The following ASXL2 variants were observed in gnomAD, a reference collection of about 807,000 sequenced individuals.
ASXL2 encodes ASXL transcriptional regulator 2.
ASXL2 carries 23 observed loss-of-function variants against 122.0 expected under a neutral mutation model. The observed-to-expected ratio is 0.19, with a 90% CI of 0.14 to 0.27. ASXL2 has a LOEUF of 0.27. Among genes scored for constraint, ASXL2 ranks in the 10% least tolerant of loss-of-function variants. ASXL2 has a pLI of 1.00. For synonymous variants in ASXL2, 650 were observed against 637.0 expected (o/e 1.02, Z -0.31); for missense variants, 1,518 against 1,713.8 (o/e 0.89, Z 2.02).
chr2:25,851,835 G>T (rs1406704594), intron 1 of ASXL2, among the ~76,000 whole-genome samples: 1 of 152,112 alleles, frequency 6.6e-6, no homozygotes, highest in Non-Finnish European at 1.5e-5. Context: ...GGGTTGCCAT[G>T]AGCCGAGATC....
chr2:25,858,662 G>A (rs1359351726), intron 1 of ASXL2, among the ~76,000 whole-genome samples: 1 of 150,518 alleles, frequency 6.6e-6, no homozygotes, highest in Non-Finnish European at 1.5e-5. Flanking sequence ...GGCGGAGGCT[G>A]CAGTGAGCTG....
chr2:25,781,815 C>T (rs1016858743), intron 5 of ASXL2, among the ~76,000 whole-genome samples: 7 of 151,854 alleles, frequency 4.6e-5, no homozygotes, highest in Admixed American at 2.6e-4. Context: ...ACTACAGGCG[C>T]GTGCCACCAT....
Position 25,782,031 on chromosome 2 carries a change from C to T in ASXL2, c.404-10491G>A, listed in dbSNP as rs569254877. 3.6e-5 allele frequency among the ~76,000 whole-genome samples: 5 copies of T among 137,814 alleles called. No individual in the cohort carries two copies. The East Asian group carries it at 8.4e-4, about 23-fold the overall frequency. 90.4% of individuals were successfully genotyped at this position (137,814 alleles called of 152,430 possible). A position where few individuals can be genotyped will look rare whatever the true frequency, so the allele number is the denominator to read the frequency against. ...TGTTTGTCCAGGTTGGTCTCAAACT[C>T]CTGGCCTCAAGTGATCCTCCTGCCC... On this transcript the variant is annotated intron_variant, in intron 5 of 12. Coordinates refer to ENST00000435504, the MANE Select transcript of ASXL2 (RefSeq NM_018263.6).
chr2:25,743,593 G>A lies in ASXL2; in HGVS notation c.2744C>T (p.Pro915Leu). 1.2e-6 allele frequency: 2 copies of A among 1,614,028 alleles called. No individual in the cohort carries two copies. Among genetic ancestry groups the A allele is most frequent in the East Asian group, 2.2e-5 (1 of 44,882 alleles). ...AGCTGCTGGCAAAGTGCTCGAGGGT[G>A]GAGCTGATCCAGCAGGTGCTGTAGT... is the stretch of plus-strand genomic sequence containing the variant. The part of the protein sequence containing the change: ...SATTAPAGSA[P>L]PSSTLPAASS... Residue 915 changes from proline (P) to leucine (L), a missense_variant, in exon 13 of 13, where the codon CCA becomes CTA. Transcript: ENST00000435504.
chr2:25,794,312 T>G (rs758854323), intron 5 of ASXL2, among the ~76,000 whole-genome samples: 6 of 152,166 alleles, frequency 3.9e-5, no homozygotes, highest in Non-Finnish European at 8.8e-5. Flanking sequence ...AAACAAAACT[T>G]TTTCTATCAG....
At chr2:25,821,001 G>A (rs992054636) in intron 3 of ASXL2, among the ~76,000 whole-genome samples, 1 of 151,644 alleles carries the variant, frequency 6.6e-6, no homozygotes, top group Non-Finnish European at 1.5e-5. Context: ...ATCCCATGGA[G>A]AAACCCCGTC....
rs1373309758 is a variant in ASXL2, at chr2:25,738,374, CCCTG to C, written c.*3651_*3654del. 2 of 152,044 alleles carry C rather than the reference CCCTG, an allele frequency of 1.3e-5. No homozygotes were observed. Among genetic ancestry groups the C allele is most frequent in the Non-Finnish European group, 2.9e-5 (2 of 68,010 alleles). The allele number at this position is 152,044 out of a possible 1,614,324, so 9.4% of individuals were successfully genotyped here. On this transcript the variant is annotated 3_prime_UTR_variant, in exon 13 of 13. Coordinates refer to ENST00000435504, the MANE Select transcript of ASXL2 (RefSeq NM_018263.6). ...GGTATTGAAACATGGTAGGAAAGGCCCCTGCCTATCACCATGTTTCTCAAAGTCT... is the reference window on the plus strand; with the variant it reads ...GGTATTGAAACATGGTAGGAAAGGCCCCTATCACCATGTTTCTCAAAGTCT...
chr2:25,843,955 C>T (rs2089619152), intron 2 of ASXL2, among the ~76,000 whole-genome samples: 1 of 152,058 alleles, frequency 6.6e-6, no homozygotes, highest in South Asian at 2.1e-4. Flanking sequence ...AATGGGAACA[C>T]TATTGGCACC....
intron 8 of ASXL2, among the ~76,000 whole-genome samples, chr2:25,762,660 T>C (rs1260000190): frequency 1.8e-5 from 2 of 110,396 alleles, no homozygotes; most frequent in Non-Finnish European, 3.7e-5. Flanking sequence ...GCGAGACTCT[T>C]TCTCGAAAAA....
chr2:25,851,088 A>G (rs1295331405), intron 1 of ASXL2, among the ~76,000 whole-genome samples: 1 of 151,766 alleles, frequency 6.6e-6, no homozygotes, highest in Non-Finnish European at 1.5e-5. Context: ...GAAAGTTGCA[A>G]TGAGCCAACA....
chr2:25,801,890 T>C lies in ASXL2; in HGVS notation c.253-2355A>G, dbSNP rs566232177. On this transcript the variant is annotated intron_variant, in intron 4 of 12. Transcript: ENST00000435504. ...ATTCTCTTAAACTTGGATTTGATTA[T>C]GCTTTTCTCCTGAAAAACCTGTGAC... Among the ~76,000 whole-genome samples the C allele has an allele frequency of 7.2e-5, 11 of 152,346 alleles. No homozygotes were observed. The East Asian group carries it at 2.1e-3, about 29-fold the overall frequency.
chr2:25,826,081 C>T (rs1256387354), intron 3 of ASXL2, among the ~76,000 whole-genome samples: 1 of 152,160 alleles, frequency 6.6e-6, no homozygotes, highest in African/African-American at 2.4e-5. Flanking sequence ...CAATTATTCA[C>T]AAATTCCTTC....
At chr2:25,799,268 T>C (rs530523833) in intron 5 of ASXL2, 117 bp downstream of exon 5, 1 of 1,391,082 alleles carries the variant, frequency 7.2e-7, no homozygotes, top group Non-Finnish European at 1.0e-6. Flanking sequence ...GACAGGACTG[T>C]TATAGAGGGT....
In ASXL2 at chr2:25,743,240, G is replaced by A; in HGVS notation, c.3097C>T (p.Pro1033Ser). The change falls in exon 13 of 13, where the codon CCA becomes TCA. Residue 1033 changes from proline (P) to serine (S), a missense_variant. Pro to Ser is a moderately conservative substitution (Grantham distance 74, BLOSUM62 -1). Around this residue, in one of 8 missense-constraint regions of ASXL2, gnomAD observed 831 missense variants for 833.1 expected, o/e 1.00. Transcript: ENST00000435504. ...TLQSKQLPQV[P>S]RPLQLFSAKE... is the part of the protein sequence containing the mutation. ...GCTGAAAAGAGCTGAAGGGGCCTTGGAACCTGGGGGAGCTGCTTACTTTGC... is the reference window on the plus strand; with the variant it reads ...GCTGAAAAGAGCTGAAGGGGCCTTGAAACCTGGGGGAGCTGCTTACTTTGC... The A allele has an allele frequency of 6.2e-7, 1 of 1,613,690 alleles. No homozygotes were observed. The highest frequency in any genetic ancestry group is 8.5e-7 in the Non-Finnish European group (1 of 1,179,706).
intron 3 of ASXL2, among the ~76,000 whole-genome samples, chr2:25,825,269 T>A (rs557336998): frequency 6.6e-6 from 1 of 152,252 alleles, no homozygotes; most frequent in Non-Finnish European, 1.5e-5. Context: ...TTAGATTAAA[T>A]TGTGCCCCAT....
At chr2:25,861,639 G>A (rs541195561) in intron 1 of ASXL2, among the ~76,000 whole-genome samples, 1 of 152,298 alleles carries the variant, frequency 6.6e-6, no homozygotes, top group Non-Finnish European at 1.5e-5. Context: ...AGTTTATGTT[G>A]CTGCAAAAGC....
intron 3 of ASXL2, among the ~76,000 whole-genome samples, chr2:25,828,816 C>G (rs2149185366): frequency 9.8e-6 from 1 of 101,948 alleles, no homozygotes; most frequent in East Asian, 2.7e-4. Flanking sequence ...CAGTGTGAGA[C>G]TGTGTCTCAA....
intron 5 of ASXL2, among the ~76,000 whole-genome samples, chr2:25,782,323 T>A (rs1341805858): frequency 6.6e-6 from 1 of 151,890 alleles, no homozygotes; most frequent in African/African-American, 2.4e-5. Flanking sequence ...GATGGGTGGA[T>A]CATCTGAGGT....
intron 3 of ASXL2, chr2:25,810,114 C>T (rs1351570415): frequency 7.2e-6 from 4 of 552,570 alleles, no homozygotes; most frequent in Admixed American, 1.9e-5. Flanking sequence ...ATCTCTTCCA[C>T]GTTTGTCTTC....
Sources: gnomAD v4.1 joint callset for allele counts (sites outside exome capture counted in the v4.1 genomes callset) on GRCh38, gnomAD v4.1.1 for gene constraint, gnomAD v4.1.1 regional missense constraint, MANE v1.5 for transcripts, NCBI Gene and HGNC (gene_info 2026-07-23, HGNC 2026-07-21) for gene names.